Variants in GPC6 observed in about 807,000 individuals in gnomAD.
GPC6 encodes glypican 6.
GPC6 carries 14 observed loss-of-function variants against 55.2 expected under a neutral mutation model. The observed-to-expected ratio is 0.25, with a 90% confidence interval of 0.17 to 0.40. The LOEUF is 0.40. Among genes scored for constraint, GPC6 ranks in the 10% least tolerant of loss-of-function variants. GPC6 has a pLI of 1.00. For synonymous variants in GPC6, 278 were observed against 259.6 expected, an observed-to-expected ratio of 1.07 and a Z score of -0.68; for missense variants, 641 against 708.5, an observed-to-expected ratio of 0.90 and a Z score of 1.08.
At chr13:93,716,193 A>G (rs1373436247) in intron 2 of GPC6, among the ~76,000 whole-genome samples, 2 of 151,806 alleles carry the variant, frequency 1.3e-5, no homozygotes, top group Non-Finnish European at 1.5e-5. Flanking sequence ...ATAAGTTACT[A>G]TGTCACTAAT....
intron 1 of GPC6, among the ~76,000 whole-genome samples, chr13:93,282,287 A>G (rs990915562): frequency 2.0e-5 from 3 of 152,156 alleles, no homozygotes; most frequent in African/African-American, 7.2e-5. Flanking sequence ...CAAACCTAAG[A>G]CTATTTTGCT....
At chr13:93,231,405 A>ATATATG (rs1876047559) in intron 1 of GPC6, among the ~76,000 whole-genome samples, 5 of 35,278 alleles carry the variant, frequency 1.4e-4, no homozygotes, top group African/African-American at 5.1e-4. Context: ...ATGTATATAT[A>ATATATG]TATATATATA....
chr13:93,471,060 T>A (rs891004269), intron 1 of GPC6, among the ~76,000 whole-genome samples: 1 of 152,192 alleles, frequency 6.6e-6, no homozygotes, highest in Non-Finnish European at 1.5e-5. Flanking sequence ...AAAATCAGTT[T>A]TTGTTGTTAC....
intron 3 of GPC6, among the ~76,000 whole-genome samples, chr13:93,942,666 G>C (rs991587471): frequency 2.6e-5 from 4 of 152,120 alleles, no homozygotes; most frequent in African/African-American, 9.7e-5. Context: ...TTTCATCACT[G>C]TTGCCATAGT....
chr13:93,358,237 C>G (rs181980442), intron 1 of GPC6, among the ~76,000 whole-genome samples: 238 of 151,920 alleles, frequency 1.6e-3, no homozygotes, highest in African/African-American at 5.4e-3. Context: ...TCCCAGCACT[C>G]AAAGGCTGTG....
chr13:94,019,056 T>A (rs1413891237), intron 3 of GPC6, among the ~76,000 whole-genome samples: 2 of 152,236 alleles, frequency 1.3e-5, no homozygotes, highest in Non-Finnish European at 2.9e-5. Flanking sequence ...GGCTTTGGTA[T>A]CAGGTAGTGC....
chr13:93,812,401 A>G (rs949715909), intron 2 of GPC6, among the ~76,000 whole-genome samples: 1 of 151,900 alleles, frequency 6.6e-6, no homozygotes, highest in African/African-American at 2.4e-5. Flanking sequence ...AAAAAAAAAG[A>G]AGGAGATCTG....
At chr13:94,020,582 C>T (rs1344450701) in intron 3 of GPC6, among the ~76,000 whole-genome samples, 20 of 152,168 alleles carry the variant, frequency 1.3e-4, no homozygotes, top group Non-Finnish European at 4.4e-5. Flanking sequence ...TGACATCACT[C>T]ATCTTCCATG....
chr13:93,723,282 A>G (rs1329407985), intron 2 of GPC6, among the ~76,000 whole-genome samples: 4 of 151,950 alleles, frequency 2.6e-5, no homozygotes, highest in Non-Finnish European at 5.9e-5. Flanking sequence ...AGCATCCAGG[A>G]TGCATTACTT....
intron 4 of GPC6, among the ~76,000 whole-genome samples, chr13:94,275,283 G>A (rs893479129): frequency 1.3e-5 from 2 of 152,138 alleles, no homozygotes; most frequent in Admixed American, 1.3e-4. Context: ...TTGCTATGAA[G>A]AATCAAGCAA....
chr13:93,856,358 T>G (rs559136006), intron 3 of GPC6, among the ~76,000 whole-genome samples: 1 of 151,676 alleles, frequency 6.6e-6, no homozygotes, highest in East Asian at 2.0e-4. Context: ...CATCCAAACA[T>G]TAACAATCAG....
At chr13:93,482,850 A>G (rs1352782920) in intron 1 of GPC6, among the ~76,000 whole-genome samples, 2 of 152,148 alleles carry the variant, frequency 1.3e-5, no homozygotes, top group Admixed American at 6.6e-5. Flanking sequence ...ATTTTACGCA[A>G]TTTACCATAT....
intron 1 of GPC6, among the ~76,000 whole-genome samples, chr13:93,333,697 C>T (rs1402120994): frequency 6.6e-6 from 1 of 151,772 alleles, no homozygotes; most frequent in Non-Finnish European, 1.5e-5. Context: ...CCACCATTCC[C>T]AGTTACATTT....
chr13:93,854,302 A>G (rs1269799635), intron 3 of GPC6, among the ~76,000 whole-genome samples: 1 of 151,714 alleles, frequency 6.6e-6, no homozygotes, highest in Non-Finnish European at 1.5e-5. Flanking sequence ...ATCCGTATTT[A>G]TTGATCCAAG....
intron 3 of GPC6, among the ~76,000 whole-genome samples, chr13:93,939,277 G>T (rs1188461376): frequency 6.6e-6 from 1 of 151,036 alleles, no homozygotes. Context: ...AAAAATATTT[G>T]CCACATGTGT....
At chr13:93,408,254 AT>A (rs1319564855) in intron 1 of GPC6, among the ~76,000 whole-genome samples, 1 of 152,170 alleles carries the variant, frequency 6.6e-6, no homozygotes, top group Non-Finnish European at 1.5e-5. Flanking sequence ...ACTATGTTTA[AT>A]CATTTATAAA....
chr13:94,184,651 T>C (rs534810816), intron 4 of GPC6, among the ~76,000 whole-genome samples: 61 of 152,172 alleles, frequency 4.0e-4, no homozygotes, highest in South Asian at 2.1e-3. Context: ...CAGATGCCGA[T>C]TGGGCTGCAG....
chr13:94,372,372 G>A (rs976960887), intron 6 of GPC6, among the ~76,000 whole-genome samples: 13 of 152,170 alleles, frequency 8.5e-5, no homozygotes, highest in Admixed American at 3.3e-4. Context: ...TGCGCGAGCC[G>A]AAGCAGGGCG....
chr13:94,049,694 A>G (rs1471347789), intron 4 of GPC6, among the ~76,000 whole-genome samples: 2 of 152,122 alleles, frequency 1.3e-5, no homozygotes, highest in African/African-American at 4.8e-5. Flanking sequence ...GTTACTTGAT[A>G]TAAAATTTTC....
Sources: allele counts gnomAD v4.1 joint callset (sites outside exome capture counted in the v4.1 genomes callset), GRCh38; gene constraint gnomAD v4.1.1; transcripts MANE v1.5; gene names NCBI Gene and HGNC (gene_info 2026-07-23, HGNC 2026-07-21).